GNA12: variants seen among roughly 807,000 people sequenced by gnomAD.
GNA12 encodes G protein subunit alpha 12.
GNA12 carries 9 observed loss-of-function variants against 26.0 expected under a neutral mutation model. The ratio of observed to expected loss-of-function variants is 0.35; its 90% CI spans 0.21 to 0.60. The LOEUF is 0.60. GNA12 is among the 20% of genes least tolerant of loss of function. The pLI is 0.78. For synonymous variants in GNA12, 264 were observed against 219.6 expected (o/e 1.20, Z -1.79); for missense variants, 405 against 525.8 (o/e 0.77, Z 2.25).
chr7:2,736,724 G>A (rs1562394224), intron 2 of GNA12, among the ~76,000 whole-genome samples: 1 of 152,326 alleles, frequency 6.6e-6, no homozygotes, highest in East Asian at 1.9e-4. Context: ...CCACACCTCC[G>A]GTGGGAGAAA....
intron 1 of GNA12, among the ~76,000 whole-genome samples, chr7:2,798,314 T>C (rs1284308220): frequency 6.7e-6 from 1 of 149,238 alleles, no homozygotes; most frequent in African/African-American, 2.6e-5. Context: ...ACTCCTAGAA[T>C]AAACAAATGA....
intron 1 of GNA12, among the ~76,000 whole-genome samples, chr7:2,822,707 G>A (rs1322351728): frequency 6.6e-6 from 1 of 152,214 alleles, no homozygotes; most frequent in African/African-American, 2.4e-5. Flanking sequence ...AGCTACACAG[G>A]AGGCTGAACT....
chr7:2,837,692 A>C (rs1778877267), intron 1 of GNA12, among the ~76,000 whole-genome samples: 1 of 152,250 alleles, frequency 6.6e-6, no homozygotes, highest in Non-Finnish European at 1.5e-5. Flanking sequence ...GAGGAAATAC[A>C]GGCATTCTTG....
At chr7:2,793,762 A>G (rs1296429026) in intron 2 of GNA12, among the ~76,000 whole-genome samples, 1 of 151,882 alleles carries the variant, frequency 6.6e-6, no homozygotes, top group African/African-American at 2.4e-5. Flanking sequence ...GGGTGCCTAC[A>G]GTCTCTGCTA....
intron 1 of GNA12, among the ~76,000 whole-genome samples, chr7:2,803,025 C>T (rs1443907576): frequency 6.6e-6 from 1 of 152,216 alleles, no homozygotes; most frequent in Non-Finnish European, 1.5e-5. Context: ...CTAAGAAAGC[C>T]CCCTCTTGGC....
At chr7:2,807,738 C>A (rs1220750758) in intron 1 of GNA12, among the ~76,000 whole-genome samples, 2 of 152,148 alleles carry the variant, frequency 1.3e-5, no homozygotes, top group African/African-American at 4.8e-5. Flanking sequence ...ATTACTACTG[C>A]AGAAAATAAA....
chr7:2,835,569 A>C lies in GNA12; in HGVS notation c.309+8284T>G, dbSNP rs1778814457. 27 of 527,450 alleles carry C rather than the reference A, an allele frequency of 5.1e-5. No individual in the cohort carries two copies. The South Asian group carries it at 6.1e-4, about 12-fold the overall frequency. 32.7% of individuals were successfully genotyped at this position (527,450 alleles called of 1,614,324 possible). A position where few individuals can be genotyped will look rare whatever the true frequency, so the allele number is the denominator to read the frequency against. ...GAATTCTGGGCCGACAGGGAGCAAG[A>C]GCGCGCTTGGGGGCAAAGTCCCATT... On this transcript the variant is annotated intron_variant, in intron 1 of 3. Transcript: ENST00000275364.
chr7:2,826,512 T>C (rs565701522), intron 1 of GNA12, among the ~76,000 whole-genome samples: 1 of 152,172 alleles, frequency 6.6e-6, no homozygotes, highest in Non-Finnish European at 1.5e-5. Context: ...GCTTTATTCA[T>C]AAGTGCCAAA....
intron 2 of GNA12, among the ~76,000 whole-genome samples, chr7:2,753,088 T>C (rs1287294396): frequency 6.6e-6 from 1 of 152,200 alleles, no homozygotes; most frequent in Non-Finnish European, 1.5e-5. Context: ...GTCACTGATC[T>C]GTTTTCTGTT....
intron 1 of GNA12, among the ~76,000 whole-genome samples, chr7:2,825,731 AAAG>A (rs945959933): frequency 1.3e-5 from 2 of 152,328 alleles, no homozygotes; most frequent in African/African-American, 4.8e-5. Context: ...CAGGACACTG[AAAG>A]AAGGAGGATG....
At chr7:2,762,934 A>G (rs1298470958) in intron 2 of GNA12, 1 of 1,396,380 alleles carries the variant, frequency 7.2e-7, no homozygotes, top group Non-Finnish European at 9.3e-7. Context: ...GACGCCCCAG[A>G]CACTCCCGTG....
At chr7:2,749,867 A>G (rs1279992821) in intron 2 of GNA12, among the ~76,000 whole-genome samples, 1 of 152,192 alleles carries the variant, frequency 6.6e-6, no homozygotes, top group Non-Finnish European at 1.5e-5. Context: ...TCCAATCTCA[A>G]AAAGAGAAAA....
intron 1 of GNA12, among the ~76,000 whole-genome samples, chr7:2,825,627 G>A (rs1026989689): frequency 2.0e-5 from 3 of 152,142 alleles, no homozygotes; most frequent in Non-Finnish European, 2.9e-5. Context: ...AGAAGGTATC[G>A]AGCTGATGGG....
intron 1 of GNA12, among the ~76,000 whole-genome samples, chr7:2,836,284 G>A (rs1022563155): frequency 2.0e-5 from 3 of 152,200 alleles, no homozygotes; most frequent in African/African-American, 4.8e-5. Flanking sequence ...CAGGATGATG[G>A]AGACTTCCAC....
Position 2,795,982 on chromosome 7 carries a change from G to A in GNA12, c.310-839C>T, listed in dbSNP as rs190939094. The stretch of plus-strand genomic sequence containing the variant: ...ATTACAGGTACCTGCCACCAGGCCC[G>A]GCTAATTTTTTATTTTTAGCTGAGA... On this transcript the variant is annotated intron_variant, in intron 1 of 3. Transcript: ENST00000275364. Among the ~76,000 whole-genome samples the A allele has an allele frequency of 3.3e-5, 5 of 151,916 alleles. 1 individual carries two copies. The East Asian group carries it at 7.8e-4, about 24-fold the overall frequency.
chr7:2,812,451 T>C (rs1014614229), intron 1 of GNA12, among the ~76,000 whole-genome samples: 2 of 152,004 alleles, frequency 1.3e-5, no homozygotes, highest in African/African-American at 4.8e-5. Context: ...CCAACATGAT[T>C]AAACCCCGTC....
chr7:2,829,528 T>C (rs1251919418), intron 1 of GNA12, among the ~76,000 whole-genome samples: 4 of 152,206 alleles, frequency 2.6e-5, no homozygotes, highest in Non-Finnish European at 4.4e-5. Flanking sequence ...TTTCAATCTA[T>C]TACTTCTGCC....
At chr7:2,760,914 G>C (rs183415529) in intron 2 of GNA12, among the ~76,000 whole-genome samples, 2 of 152,148 alleles carry the variant, frequency 1.3e-5, no homozygotes, top group Non-Finnish European at 2.9e-5. Flanking sequence ...GGGAGTGGGG[G>C]GTTCTGGCTG....
chr7:2,759,590 T>G (rs886606491), intron 2 of GNA12, among the ~76,000 whole-genome samples: 1 of 152,134 alleles, frequency 6.6e-6, no homozygotes, highest in Non-Finnish European at 1.5e-5. Context: ...GTGGCTCACA[T>G]GGGGTTTATG....
Sources: allele counts gnomAD v4.1 joint callset (sites outside exome capture counted in the v4.1 genomes callset), GRCh38; gene constraint gnomAD v4.1.1; transcripts MANE v1.5; gene names NCBI Gene and HGNC (gene_info 2026-07-23, HGNC 2026-07-21).